TENM1: variants seen among roughly 807,000 people sequenced by gnomAD.
TENM1 encodes teneurin-1.
TENM1 carries 35 observed loss-of-function variants against 174.8 expected under a neutral mutation model. The ratio of observed to expected loss-of-function variants is 0.20; its 90% CI spans 0.15 to 0.27. The LOEUF is 0.27. Ranked by LOEUF, TENM1 falls within the 10% of genes least tolerant of loss-of-function variation. The pLI is 1.00. For synonymous variants in TENM1, 781 were observed against 798.7 expected (o/e 0.98, Z 0.37); for missense variants, 1,633 against 2,130.1 (o/e 0.77, Z 4.59).
chrX:124,927,020 G>T (rs1414786144), intron 1 of TENM1, among the ~76,000 whole-genome samples: 6 of 112,004 alleles, frequency 5.4e-5, no homozygotes, highest in Admixed American at 4.7e-4. Context: ...AACTGCCTTT[G>T]TAAATCATAA....
At chrX:125,083,950 G>A in the TENM1 span, among the ~76,000 whole-genome samples, 1 of 110,727 alleles carries the variant, frequency 9.0e-6, no homozygotes, top group African/African-American at 3.3e-5. Flanking sequence ...AAGTGAAAGT[G>A]GGGATGCTCA....
At chrX:124,748,042 C>A (rs1284609546) in intron 3 of TENM1, among the ~76,000 whole-genome samples, 2 of 111,574 alleles carry the variant, frequency 1.8e-5, no homozygotes, top group Admixed American at 9.5e-5. Context: ...GCTGTCTCCC[C>A]CTCAGGGTAA....
At chrX:125,054,875 G>A in the TENM1 span, among the ~76,000 whole-genome samples, 61 of 111,606 alleles carry the variant, frequency 5.5e-4, no homozygotes, top group African/African-American at 2.0e-3. Flanking sequence ...GTGTGAGACA[G>A]TTCGGTGGCA....
At chrX:124,755,989 G>A (rs1435739540) in intron 3 of TENM1, among the ~76,000 whole-genome samples, 3 of 100,570 alleles carry the variant, frequency 3.0e-5, no homozygotes. Context: ...TTCTCGAGGA[G>A]TATCTTTGTG....
intron 23 of TENM1, among the ~76,000 whole-genome samples, chrX:124,447,844 C>T (rs1306799047): frequency 9.0e-6 from 1 of 111,175 alleles, no homozygotes; most frequent in African/African-American, 3.3e-5. Flanking sequence ...GTGTACCCTC[C>T]GTGAGAGAGC....
intron 11 of TENM1, among the ~76,000 whole-genome samples, chrX:124,627,140 C>G (rs867218896): frequency 2.7e-5 from 3 of 111,527 alleles, no homozygotes; most frequent in African/African-American, 9.8e-5. Context: ...GAGGCTTTCA[C>G]ACACTATGGG....
intron 23 of TENM1, among the ~76,000 whole-genome samples, chrX:124,427,852 T>C (rs541086167): frequency 1.8e-5 from 2 of 111,512 alleles, no homozygotes; most frequent in African/African-American, 3.3e-5. Context: ...AGAGAGACCC[T>C]AGAATTATAT....
intron 18 of TENM1, 94 bp downstream of exon 21, chrX:124,520,423 T>A (rs1268625315): frequency 2.2e-6 from 2 of 911,746 alleles, no homozygotes; most frequent in East Asian, 6.3e-5. Context: ...CAGAAGAAAA[T>A]CAGTAATTAT....
the TENM1 span, among the ~76,000 whole-genome samples, chrX:124,970,578 C>T: frequency 2.7e-5 from 3 of 112,265 alleles, no homozygotes; most frequent in Admixed American, 9.4e-5. Context: ...TCTAAGAAAG[C>T]ACTTAAGAAG....
intron 8 of TENM1, 56 bp from the exon 12 acceptor site, chrX:124,646,866 CTT>C: frequency 1.1e-6 from 1 of 894,837 alleles, no homozygotes; most frequent in Non-Finnish European, 1.6e-6. Flanking sequence ...GCTGTAGAGT[CTT>C]TATTTTTTTT....
chrX:124,652,463 T>C (rs758330377), intron 7 of TENM1, among the ~76,000 whole-genome samples: 6 of 111,722 alleles, frequency 5.4e-5, no homozygotes, highest in Non-Finnish European at 1.1e-4. Context: ...CTCACTGTAA[T>C]TAAAAATATT....
chrX:124,662,699 C>A (rs2051643035), intron 6 of TENM1, among the ~76,000 whole-genome samples: 1 of 111,133 alleles, frequency 9.0e-6, no homozygotes, highest in Admixed American at 9.6e-5. Flanking sequence ...CTCAAGATCA[C>A]TAGGAGTGAT....
the TENM1 span, among the ~76,000 whole-genome samples, chrX:125,028,514 A>G: frequency 9.0e-6 from 1 of 111,608 alleles, no homozygotes; most frequent in African/African-American, 3.3e-5. Flanking sequence ...GGAACAACAT[A>G]CACTGGGGCC....
At chrX:124,378,548 A>T (rs1212118935) in exon 32 of TENM1, 2 of 112,005 alleles carry the variant, frequency 1.8e-5, no homozygotes, top group African/African-American at 3.3e-5. Flanking sequence ...ATTCAGAAAA[A>T]ACCCAATAAT....
At chrX:124,380,754 C>A (rs1398212576) in exon 32 of TENM1, 2 of 1,209,456 alleles carry the variant, frequency 1.7e-6, no homozygotes, top group African/African-American at 1.7e-5. Flanking sequence ...TGGGCCACTG[C>A]GCGCTGTCTG....
chrX:124,913,512 T>C (rs944668133), intron 1 of TENM1, among the ~76,000 whole-genome samples: 7 of 111,897 alleles, frequency 6.3e-5, no homozygotes, highest in South Asian at 3.7e-4. Context: ...GCCTTCTTGA[T>C]AAAAATGATT....
chrX:124,582,432 T>C (rs1288635857), intron 11 of TENM1, among the ~76,000 whole-genome samples: 1 of 112,349 alleles, frequency 8.9e-6, no homozygotes, highest in Non-Finnish European at 1.9e-5. Context: ...AAGTTCTCCT[T>C]GTAGAGATCT....
chrX:125,034,038 C>A, the TENM1 span, among the ~76,000 whole-genome samples: 1 of 111,386 alleles, frequency 9.0e-6, no homozygotes, highest in Non-Finnish European at 1.9e-5. Context: ...ACAGCATCAT[C>A]CCATTTTATA....
At chrX:124,471,199 A>G (rs1424737799) in intron 22 of TENM1, among the ~76,000 whole-genome samples, 12 of 59,062 alleles carry the variant, frequency 2.0e-4, no homozygotes, top group East Asian at 1.0e-3. Context: ...ATATTATATA[A>G]TATATAGTAC....
Sources: allele counts gnomAD v4.1 joint callset (sites outside exome capture counted in the v4.1 genomes callset), GRCh38; gene constraint gnomAD v4.1.1; transcripts MANE v1.5; gene names NCBI Gene and HGNC (gene_info 2026-07-23, HGNC 2026-07-21).